The following ELFN1 variants were observed in gnomAD, a reference collection of about 807,000 sequenced individuals.
ELFN1 encodes the protein extracellular leucine rich repeat and fibronectin type III domain containing 1.
In ELFN1, 6 loss-of-function variants were observed where a neutral mutation model predicts 7.6. That is an observed-to-expected ratio of 0.79 (90% CI 0.43 to 1.56). ELFN1 has a LOEUF of 1.56. Among genes scored for constraint, ELFN1 ranks in the 40% most tolerant of loss-of-function variants. The pLI is 0.01. For synonymous variants in ELFN1, 657 were observed against 588.1 expected, an observed-to-expected ratio of 1.12 and a Z score of -1.70; for missense variants, 1,169 against 1,232.2, an observed-to-expected ratio of 0.95 and a Z score of 0.77.
intron 3 of ELFN1, among the ~76,000 whole-genome samples, chr7:1,728,454 C>T (rs750197375): frequency 1.8e-4 from 27 of 152,264 alleles, no homozygotes; most frequent in Admixed American, 1.3e-4. Context: ...CGAGCAGAAG[C>T]CAGCTGCTGC....
intron 2 of ELFN1, among the ~76,000 whole-genome samples, chr7:1,698,419 G>T (rs1340138221): frequency 6.6e-6 from 1 of 152,176 alleles, no homozygotes; most frequent in African/African-American, 2.4e-5. Context: ...GAATGGTTGG[G>T]CCACAGCAGA....
chr7:1,723,865 G>A (rs572952555), intron 3 of ELFN1, among the ~76,000 whole-genome samples: 15 of 152,334 alleles, frequency 9.8e-5, no homozygotes, highest in African/African-American at 2.4e-4. Flanking sequence ...TGCACCTGAC[G>A]CCCCTGCCCT....
At chr7:1,709,938 T>C (rs1308361515) in intron 3 of ELFN1, among the ~76,000 whole-genome samples, 1 of 152,262 alleles carries the variant, frequency 6.6e-6, no homozygotes, top group Non-Finnish European at 1.5e-5. Flanking sequence ...AACTGTACTT[T>C]GGATTTGGGA....
intron 2 of ELFN1, among the ~76,000 whole-genome samples, chr7:1,690,615 AATGG>A (rs895972688): frequency 6.9e-6 from 1 of 144,080 alleles, no homozygotes; most frequent in African/African-American, 2.6e-5. Context: ...TGAATGGATA[AATGG>A]ATGGATGAAG....
intron 1 of ELFN1, among the ~76,000 whole-genome samples, chr7:1,687,373 A>G (rs1045059182): frequency 6.6e-6 from 1 of 152,114 alleles, no homozygotes; most frequent in African/African-American, 2.4e-5. Flanking sequence ...ACAAAACTTA[A>G]AAAAGGGTAG....
chr7:1,696,263 GGAGA>G (rs1779307794), intron 2 of ELFN1, among the ~76,000 whole-genome samples: 2 of 149,200 alleles, frequency 1.3e-5, no homozygotes, highest in African/African-American at 5.0e-5. Flanking sequence ...AGGGTGAGAG[GGAGA>G]GAAAGAGATG....
rs1000350433 is a variant in ELFN1 at position 1,705,075 on chromosome 7, C to T, written c.-455-4016C>T. Among the ~76,000 whole-genome samples, 29 of 152,168 alleles carry T rather than the reference C, an allele frequency of 1.9e-4. No individual in the cohort carries two copies. Among genetic ancestry groups the T allele is most frequent in the Admixed American group, 9.8e-4 (15 of 15,286 alleles). On this transcript the variant is annotated intron_variant, in intron 2 of 3. Transcript: ENST00000424383. The surrounding 1 kb of genome is among the most constrained non-coding windows in gnomAD (Gnocchi z 4.3). ...TGGAGACCTGCTGGGGTGGGGGGCG[C>T]GTACTGGAGAACAGAGGGACACCCA... is the stretch of plus-strand genomic sequence containing the variant.
Position 1,689,695 on chromosome 7 carries a change from A to G in ELFN1, c.-456+1545A>G, listed in dbSNP as rs150462891. Among the ~76,000 whole-genome samples, 3 of 152,286 alleles carry G rather than the reference A, an allele frequency of 2.0e-5. No individual in the cohort carries two copies. The East Asian group carries it at 5.8e-4, about 29-fold the overall frequency. ...CATTTACAGCGCCTTGAGCCAGCCA[A>G]CTTCCCTGGCATGGCCCAGTTTGAA... On this transcript the variant is annotated intron_variant, in intron 2 of 3. Coordinates refer to ENST00000424383, the MANE Select transcript of ELFN1 (RefSeq NM_001128636.4).
In ELFN1 at chr7:1,699,270, T is replaced by C. The variant is rs1035813041; in HGVS notation, c.-455-9821T>C. Among the ~76,000 whole-genome samples, 4 of 152,206 alleles carry C rather than the reference T, an allele frequency of 2.6e-5. No individual in the cohort carries two copies. In the East Asian group the frequency reaches 7.7e-4, roughly 29 times the overall value. On this transcript the variant is annotated intron_variant, in intron 2 of 3. Transcript: ENST00000424383. ...TGCACTTCCCCGCACATGTGTTTTGTAGAGACATGTTGATATCTCTGTCCA... is the reference window on the plus strand; with the variant it reads ...TGCACTTCCCCGCACATGTGTTTTGCAGAGACATGTTGATATCTCTGTCCA...
intron 2 of ELFN1, among the ~76,000 whole-genome samples, chr7:1,708,491 T>C (rs2128587239): frequency 6.6e-6 from 1 of 152,164 alleles, no homozygotes; most frequent in East Asian, 1.9e-4. Flanking sequence ...TCCTTCTCAG[T>C]GATTGGCCTG....
chr7:1,695,440 T>C lies in ELFN1; in HGVS notation c.-456+7290T>C, dbSNP rs921158073. On this transcript the variant is annotated intron_variant, in intron 2 of 3. Coordinates refer to ENST00000424383, the MANE Select transcript of ELFN1 (RefSeq NM_001128636.4). The surrounding 1 kb of genome is among the most constrained non-coding windows in gnomAD (Gnocchi z 5.1). The stretch of plus-strand genomic sequence containing the variant: ...GAGCAGACTCAGCCCGCCAAGCCCA[T>C]GAACCCCACTTTGAAAACTGTGCAG... Among the ~76,000 whole-genome samples the C allele has an allele frequency of 1.3e-5, 2 of 152,062 alleles. No homozygotes were observed. The highest frequency in any genetic ancestry group is 2.9e-5 in the Non-Finnish European group (2 of 67,998).
chr7:1,746,622 G>C lies in ELFN1; in HGVS notation c.2026G>C (p.Ala676Pro), dbSNP rs1240443026. ...CAAGTACATCGAGAAGGGCTCCCCC[G>C]CGGCCGACGCCATCCTCACTGTGAC... Reference protein sequence around the residue: ...EAKYIEKGSPAADAILTVTPA... With the variant: ...EAKYIEKGSPPADAILTVTPA... The change falls in exon 4 of 4, where the codon GCG becomes CCG. Residue 676 changes from alanine (A) to proline (P), a missense_variant. By Grantham distance (27) the Ala-to-Pro change is conservative (BLOSUM62 -1). Coordinates refer to ENST00000424383, the MANE Select transcript of ELFN1 (RefSeq NM_001128636.4). 2 of 1,349,838 alleles carry C rather than the reference G, an allele frequency of 1.5e-6. No homozygotes were observed. Among genetic ancestry groups the C allele is most frequent in the Non-Finnish European group, 1.9e-6 (2 of 1,055,632 alleles). The allele number at this position is 1,349,838 out of a possible 1,614,324, so 83.6% of individuals were successfully genotyped here.
At chr7:1,685,483 C>A (rs1779046693) in intron 1 of ELFN1, among the ~76,000 whole-genome samples, 1 of 152,138 alleles carries the variant, frequency 6.6e-6, no homozygotes. Flanking sequence ...GTCAGAGGCA[C>A]AGTTTATTTT....
chr7:1,722,026 G>A (rs946639060), intron 3 of ELFN1, among the ~76,000 whole-genome samples: 25 of 152,110 alleles, frequency 1.6e-4, no homozygotes, highest in African/African-American at 5.6e-4. Context: ...GGTCTTCTGC[G>A]CAGCCCTGGG....
chr7:1,708,697 C>T (rs150654802), intron 2 of ELFN1, among the ~76,000 whole-genome samples: 1 of 152,108 alleles, frequency 6.6e-6, no homozygotes, highest in Non-Finnish European at 1.5e-5. Context: ...ACGGACCCAA[C>T]AGCCCCAGAG....
In ELFN1 at chr7:1,744,577, C is replaced by G; in HGVS notation, c.-20C>G. The G allele has an allele frequency of 6.8e-7, 1 of 1,472,242 alleles. No individual in the cohort carries two copies. The highest frequency in any genetic ancestry group is 9.0e-7 in the Non-Finnish European group (1 of 1,115,748). The allele number at this position is 1,472,242 out of a possible 1,614,324, so 91.2% of individuals were successfully genotyped here. A position where few individuals can be genotyped will look rare whatever the true frequency, so the allele number is the denominator to read the frequency against. ...TCCCCCTGGGCAGGCTGAATTGGGG[C>G]TCCCTGCAGGGCGGTCCCGATGGCC... On this transcript the variant is annotated 5_prime_UTR_variant, in exon 4 of 4. Transcript: ENST00000424383.
At chr7:1,736,742 G>A (rs757623858) in intron 3 of ELFN1, among the ~76,000 whole-genome samples, 17 of 152,182 alleles carry the variant, frequency 1.1e-4, no homozygotes, top group Non-Finnish European at 2.1e-4. Flanking sequence ...TTAGGATGGG[G>A]GAAACTGAGG....
Position 1,705,817 on chromosome 7 carries a change from C to T in ELFN1, c.-455-3274C>T, listed in dbSNP as rs1334133936. Among the ~76,000 whole-genome samples the T allele has an allele frequency of 6.6e-6, 1 of 152,132 alleles. No homozygotes were observed. Among genetic ancestry groups the T allele is most frequent in the Non-Finnish European group, 1.5e-5 (1 of 68,024 alleles). On this transcript the variant is annotated intron_variant, in intron 2 of 3. Coordinates refer to ENST00000424383, the MANE Select transcript of ELFN1 (RefSeq NM_001128636.4). The surrounding 1 kb of genome is among the most constrained non-coding windows in gnomAD (Gnocchi z 4.3). ...TCCTCGGGGAGGTCTGATGAGCCCC[C>T]GAATATCACAGACAAAACTGCCTGT...
chr7:1,669,103 C>T (rs1778713575), upstream of ELFN1, among the ~76,000 whole-genome samples: 1 of 152,240 alleles, frequency 6.6e-6, no homozygotes, highest in Non-Finnish European at 1.5e-5. Context: ...CCCTAGGACC[C>T]GGGCGTGTCA....
Sources: gnomAD v4.1 joint callset for allele counts (sites outside exome capture counted in the v4.1 genomes callset) on GRCh38, gnomAD v4.1.1 for gene constraint, Gnocchi (gnomAD v3.1) non-coding constraint, MANE v1.5 for transcripts, NCBI Gene and HGNC (gene_info 2026-07-23, HGNC 2026-07-21) for gene names.